SCN11A: variants seen among roughly 807,000 people sequenced by gnomAD.
SCN11A encodes the protein sodium voltage-gated channel alpha subunit 11.
SCN11A carries 122 observed loss-of-function variants against 162.2 expected under a neutral mutation model. The observed-to-expected ratio is 0.75, with a 90% CI of 0.65 to 0.87. The LOEUF is 0.87. SCN11A is among the 40% of genes least tolerant of loss of function. The pLI is 0.00. For synonymous variants in SCN11A, 758 were observed against 751.5 expected (o/e 1.01, Z -0.14); for missense variants, 2,015 against 2,181.6 (o/e 0.92, Z 1.52).
At chr3:38,921,807 A>T (rs568504260) in intron 9 of SCN11A, among the ~76,000 whole-genome samples, 1 of 152,278 alleles carries the variant, frequency 6.6e-6, no homozygotes, top group Admixed American at 6.5e-5. Flanking sequence ...TCATTCATTC[A>T]TTCATTCAAG....
At chr3:38,894,451 G>C (rs2065552150) in intron 19 of SCN11A, 82 bp downstream of exon 19, 2 of 1,121,684 alleles carry the variant, frequency 1.8e-6, no homozygotes, top group Non-Finnish European at 1.3e-6. Context: ...CTTGCATAGT[G>C]CCTAGAAAAG....
chr3:38,883,182 T>A lies in SCN11A; in HGVS notation c.3219+51A>T, dbSNP rs1198913436. 3.9e-6 allele frequency: 6 copies of A among 1,540,892 alleles called. No homozygotes were observed. The South Asian group carries it at 6.1e-5, about 16-fold the overall frequency. ...ACGAGAAGCCAAGTCAGAGTGCAGC[T>A]TCCCCAGCTGCCCTGATGCCCAATG... On this transcript the variant is annotated intron_variant, in intron 22 of 29. Coordinates refer to ENST00000302328, the MANE Select transcript of SCN11A (RefSeq NM_001349253.2).
chr3:38,932,771 G>A (rs980105730), intron 7 of SCN11A, among the ~76,000 whole-genome samples: 1 of 151,156 alleles, frequency 6.6e-6, no homozygotes, highest in South Asian at 2.1e-4. Context: ...GCCTGCCTCT[G>A]TAGGCTCCAC....
chr3:38,954,486 G>C (rs1445559669), intron 3 of SCN11A, among the ~76,000 whole-genome samples: 1 of 152,090 alleles, frequency 6.6e-6, no homozygotes, highest in Non-Finnish European at 1.5e-5. Flanking sequence ...GAAGCAACTG[G>C]ACACTTTCAC....
intron 1 of SCN11A, among the ~76,000 whole-genome samples, chr3:39,039,997 CT>C (rs2032003704): frequency 6.6e-6 from 1 of 152,226 alleles, no homozygotes; most frequent in Non-Finnish European, 1.5e-5. Context: ...ACCCCACCCC[CT>C]CTAGAGGTAG....
At chr3:38,924,812 C>G (rs567044074) in intron 9 of SCN11A, among the ~76,000 whole-genome samples, 8 of 152,222 alleles carry the variant, frequency 5.3e-5, no homozygotes, top group East Asian at 3.9e-4. Context: ...CCCGGCCCCC[C>G]CTTCACTTCT....
intron 2 of SCN11A, among the ~76,000 whole-genome samples, chr3:39,007,839 T>A (rs1468097264): frequency 6.6e-6 from 1 of 152,146 alleles, no homozygotes; most frequent in South Asian, 2.1e-4. Context: ...GAGGAGAAGG[T>A]CATGGAAACC....
At chr3:38,980,503 G>A (rs867648339) in intron 2 of SCN11A, among the ~76,000 whole-genome samples, 35 of 152,338 alleles carry the variant, frequency 2.3e-4, no homozygotes, top group Middle Eastern at 6.8e-3. Context: ...TTACTGCGGA[G>A]CCCAGGCAAG....
intron 2 of SCN11A, among the ~76,000 whole-genome samples, chr3:38,966,202 G>A (rs887903181): frequency 6.6e-6 from 1 of 152,158 alleles, no homozygotes; most frequent in East Asian, 1.9e-4. Context: ...GGTTTTTGTT[G>A]TTGTTGTTTG....
intron 19 of SCN11A, among the ~76,000 whole-genome samples, chr3:38,892,079 C>T (rs1168780761): frequency 6.6e-6 from 1 of 152,152 alleles, no homozygotes; most frequent in African/African-American, 2.4e-5. Context: ...ATAAAATTAA[C>T]ACTGACCTTG....
chr3:39,036,317 G>A (rs932986934), intron 1 of SCN11A, among the ~76,000 whole-genome samples: 2 of 151,996 alleles, frequency 1.3e-5, no homozygotes, highest in Non-Finnish European at 2.9e-5. Flanking sequence ...GCTAATTTAT[G>A]TATTTTTAGT....
chr3:38,987,130 T>A (rs1387151306), intron 2 of SCN11A, among the ~76,000 whole-genome samples: 2 of 151,882 alleles, frequency 1.3e-5, no homozygotes, highest in Non-Finnish European at 2.9e-5. Context: ...AAGCTGAGTA[T>A]CTTTGGAAGG....
chr3:38,901,578 C>G (rs2065700197), intron 16 of SCN11A, among the ~76,000 whole-genome samples: 1 of 152,226 alleles, frequency 6.6e-6, no homozygotes, highest in East Asian at 1.9e-4. Context: ...TTAGAGCAAT[C>G]TCTACCCTAG....
chr3:38,908,154 G>C (rs749869002), intron 13 of SCN11A, 32 bp from the exon 14 acceptor site: 1 of 1,585,122 alleles, frequency 6.3e-7, no homozygotes, highest in South Asian at 1.2e-5. Context: ...TTAAAGAACA[G>C]ATTACACCTC....
chr3:38,905,089 A>T, intron 15 of SCN11A, 103 bp downstream of exon 15: 1 of 1,512,254 alleles, frequency 6.6e-7, no homozygotes, highest in Non-Finnish European at 9.2e-7. Context: ...GGTTGGTTCC[A>T]AAACAGCCTC....
At chr3:38,947,554 G>A (rs1463035789) in intron 5 of SCN11A, among the ~76,000 whole-genome samples, 5 of 152,162 alleles carry the variant, frequency 3.3e-5, no homozygotes, top group Non-Finnish European at 7.3e-5. Flanking sequence ...GGGCTCTACC[G>A]GCCTTTTACT....
intron 1 of SCN11A, among the ~76,000 whole-genome samples, chr3:39,033,812 A>G (rs2031827398): frequency 6.6e-6 from 1 of 152,226 alleles, no homozygotes; most frequent in South Asian, 2.1e-4. Flanking sequence ...TAAACAATAT[A>G]GTAGAACTAC....
intron 11 of SCN11A, among the ~76,000 whole-genome samples, chr3:38,912,058 G>T (rs1236712723): frequency 1.3e-5 from 2 of 152,158 alleles, no homozygotes; most frequent in African/African-American, 4.8e-5. Context: ...TGAGTGGTAG[G>T]TTTTGCTTTA....
intron 19 of SCN11A, 102 bp downstream of exon 19, chr3:38,894,431 C>T (rs868439933): frequency 1.0e-6 from 1 of 961,730 alleles, no homozygotes; most frequent in South Asian, 1.6e-5. Flanking sequence ...CGTTTTGTAC[C>T]CTTATTATCC....
Sources: allele counts gnomAD v4.1 joint callset (sites outside exome capture counted in the v4.1 genomes callset), GRCh38; gene constraint gnomAD v4.1.1; transcripts MANE v1.5; gene names NCBI Gene and HGNC (gene_info 2026-07-23, HGNC 2026-07-21).